The following BBS7 variants were observed in gnomAD, a reference collection of about 807,000 sequenced individuals.
BBS7 encodes BBSome complex member BBS7.
Under a neutral mutation model 90.3 loss-of-function variants are expected in BBS7, and 50 were observed. The observed-to-expected ratio is 0.55, with a 90% CI of 0.44 to 0.70. The LOEUF is 0.70. Among genes scored for constraint, BBS7 ranks in the 30% least tolerant of loss-of-function variants. The pLI, the probability that BBS7 is intolerant of heterozygous loss-of-function variation, is 0.00. For missense variants in BBS7, 729 were observed against 838.9 expected (o/e 0.87, Z 1.62); for synonymous variants, 235 against 287.4 (o/e 0.82, Z 1.85).
At chr4:121,870,136 T>C (rs1727505404) in intron 1 of BBS7, 142 bp downstream of exon 1, 1 of 956,582 alleles carries the variant, frequency 1.0e-6, no homozygotes, top group Non-Finnish European at 1.7e-6. Context: ...AAAGGCGGGG[T>C]GCTGAGAGGT....
chr4:121,830,929 C>T (rs1245683500), intron 15 of BBS7, among the ~76,000 whole-genome samples: 6 of 152,126 alleles, frequency 3.9e-5, no homozygotes, highest in Admixed American at 1.3e-4. Context: ...TATTAGAGGC[C>T]GGGCTTGGTG....
At chr4:121,860,149 A>G (rs552085357) in intron 4 of BBS7, among the ~76,000 whole-genome samples, 26 of 152,090 alleles carry the variant, frequency 1.7e-4, no homozygotes, top group Non-Finnish European at 3.8e-4. Context: ...GGCTCTGCAT[A>G]TGATTGAATA....
intron 8 of BBS7, among the ~76,000 whole-genome samples, chr4:121,850,783 C>T (rs1726275182): frequency 6.6e-6 from 1 of 152,130 alleles, no homozygotes; most frequent in African/African-American, 2.4e-5. Context: ...TAGCATTAAA[C>T]CGGACAATCA....
chr4:121,834,363 AAG>A (rs1416195230), intron 14 of BBS7, among the ~76,000 whole-genome samples: 5 of 152,168 alleles, frequency 3.3e-5, no homozygotes, highest in African/African-American at 9.6e-5. Flanking sequence ...GCAAGACAGA[AAG>A]AGTCTGTTCT....
chr4:121,831,434 C>T (rs1183550183), intron 15 of BBS7, among the ~76,000 whole-genome samples: 1 of 151,066 alleles, frequency 6.6e-6, no homozygotes, highest in Non-Finnish European at 1.5e-5. Flanking sequence ...AGTTTGAGAC[C>T]AGCTTGGGCA....
chr4:121,844,891 C>T (rs1725924379), intron 11 of BBS7, among the ~76,000 whole-genome samples: 1 of 152,134 alleles, frequency 6.6e-6, no homozygotes, highest in Admixed American at 6.6e-5. Flanking sequence ...AGTCACATCT[C>T]TGTTAAGATT....
At chr4:121,843,231 A>G (rs73844302) in intron 12 of BBS7, among the ~76,000 whole-genome samples, 6,622 of 152,260 alleles carry the variant, frequency 0.043, 479 homozygotes, top group African/African-American at 0.15. Context: ...GCAGGAAATC[A>G]GGAATATTGA....
chr4:121,851,353 G>T (rs1365980343), intron 8 of BBS7, among the ~76,000 whole-genome samples: 1 of 149,132 alleles, frequency 6.7e-6, no homozygotes, highest in Non-Finnish European at 1.5e-5. Context: ...ACTGCCTATG[G>T]GGTAGCCCTG....
intron 18 of BBS7, 48 bp from the exon 19 acceptor site, chr4:121,826,041 A>G (rs1724891008): frequency 1.4e-6 from 2 of 1,448,676 alleles, no homozygotes; most frequent in Non-Finnish European, 1.9e-6. Context: ...GTTATATTTA[A>G]TGACACAGTA....
intron 7 of BBS7, among the ~76,000 whole-genome samples, chr4:121,853,346 G>A (rs1726425699): frequency 6.6e-6 from 1 of 151,910 alleles, no homozygotes; most frequent in Admixed American, 6.6e-5. Flanking sequence ...ATTCAATTTG[G>A]TATCTTCTCA....
At chr4:121,847,596 C>T (rs1290907268) in intron 9 of BBS7, 90 bp from the exon 10 acceptor site, 75 of 904,998 alleles carry the variant, frequency 8.3e-5, no homozygotes, top group East Asian at 3.1e-4. Flanking sequence ...CTCCAATGTA[C>T]ATGCCCCTTT....
At position 121,825,834 on chromosome 4, in the gene BBS7, C is replaced by A; in HGVS notation, c.*26G>T. 6.2e-7 allele frequency: 1 copy of A among 1,610,600 alleles called. No individual in the cohort carries two copies. Among genetic ancestry groups the A allele is most frequent in the Non-Finnish European group, 8.5e-7 (1 of 1,178,148 alleles). ...CATTTTTCATTTAAACAGACCACTT[C>A]TTTGGGACTTTACCTTATTTGTATG... On this transcript the variant is annotated 3_prime_UTR_variant, in exon 19 of 19. Coordinates refer to ENST00000264499, the MANE Select transcript of BBS7 (RefSeq NM_176824.3).
chr4:121,869,283 A>G (rs1172506980), intron 1 of BBS7, among the ~76,000 whole-genome samples: 1 of 152,246 alleles, frequency 6.6e-6, no homozygotes. Context: ...GAATTGGGGT[A>G]GAGAGAATTT....
intron 8 of BBS7, among the ~76,000 whole-genome samples, chr4:121,850,431 G>A (rs1726258924): frequency 6.6e-6 from 1 of 152,134 alleles, no homozygotes. Flanking sequence ...CTCCCAAAGT[G>A]CTGGGATTAC....
At chr4:121,861,176 A>G (rs764579172) in intron 4 of BBS7, 5 of 215,188 alleles carry the variant, frequency 2.3e-5, no homozygotes, top group Non-Finnish European at 2.8e-5. Flanking sequence ...TAATGATGCT[A>G]CCTGAAAACC....
At chr4:121,826,791 G>A (rs1459738052) in intron 18 of BBS7, among the ~76,000 whole-genome samples, 1 of 152,114 alleles carries the variant, frequency 6.6e-6, no homozygotes, top group Non-Finnish European at 1.5e-5. Context: ...AGACCAGCCT[G>A]GCCAATATGG....
Position 121,825,715 on chromosome 4 carries a change from A to T in BBS7, c.*145T>A. ...ATTTGTCAAAAGAAATAGAAGCATT[A>T]CTTTAAAAAGCCATTATATCTCAAA... On this transcript the variant is annotated 3_prime_UTR_variant, in exon 19 of 19. Transcript: ENST00000264499. 2 of 696,550 alleles carry T rather than the reference A, an allele frequency of 2.9e-6. No individual in the cohort carries two copies. The highest frequency in any genetic ancestry group is 4.3e-6 in the Non-Finnish European group (2 of 461,234). The allele number at this position is 696,550 out of a possible 1,614,324, so 43.1% of individuals were successfully genotyped here. A position where few individuals can be genotyped will look rare whatever the true frequency, so the allele number is the denominator to read the frequency against.
intron 11 of BBS7, among the ~76,000 whole-genome samples, chr4:121,844,831 G>T (rs111357620): frequency 0.014 from 2,160 of 151,870 alleles, 26 homozygotes; most frequent in Non-Finnish European, 0.023. Flanking sequence ...AATGTTTGGG[G>T]CTTTAAAAAA....
chr4:121,840,035 A>G (rs1725655889), intron 12 of BBS7, among the ~76,000 whole-genome samples: 1 of 152,198 alleles, frequency 6.6e-6, no homozygotes, highest in Non-Finnish European at 1.5e-5. Flanking sequence ...AAATCTGACA[A>G]TGCAAACACC....
Sources: allele counts gnomAD v4.1 joint callset (sites outside exome capture counted in the v4.1 genomes callset), GRCh38; gene constraint gnomAD v4.1.1; transcripts MANE v1.5; gene names NCBI Gene and HGNC (gene_info 2026-07-23, HGNC 2026-07-21).